SGCZ: variants seen among roughly 807,000 people sequenced by gnomAD.
The protein encoded by SGCZ is sarcoglycan zeta.
Under a neutral mutation model 41.3 loss-of-function variants are expected in SGCZ, and 40 were observed. The observed-to-expected ratio is 0.97, with a 90% confidence interval of 0.75 to 1.26. SGCZ has a LOEUF of 1.26. SGCZ is among the 50% of genes most tolerant of loss of function. SGCZ has a pLI of 0.00. For missense variants in SGCZ, 552 were observed against 369.8 expected (o/e 1.49, Z -4.04); for synonymous variants, 206 against 137.5 (o/e 1.50, Z -3.49).
chr8:14,359,814 A>C (rs1268486635), intron 2 of SGCZ, among the ~76,000 whole-genome samples: 1 of 147,792 alleles, frequency 6.8e-6, no homozygotes, highest in East Asian at 1.9e-4. Flanking sequence ...ATACAAAAAA[A>C]GAAAAAAAAA....
intron 1 of SGCZ, among the ~76,000 whole-genome samples, chr8:14,667,132 G>T (rs1807936274): frequency 6.6e-6 from 1 of 152,044 alleles, no homozygotes; most frequent in African/African-American, 2.4e-5. Context: ...ATACAAACTT[G>T]AAAGTTTCCA....
At chr8:14,376,436 G>A (rs114749750) in intron 2 of SGCZ, among the ~76,000 whole-genome samples, 3,017 of 152,230 alleles carry the variant, frequency 0.02, 79 homozygotes, top group African/African-American at 0.056. Flanking sequence ...TGAAAGGTTA[G>A]ATGACATTTA....
chr8:14,452,701 G>A (rs867079751), intron 2 of SGCZ, among the ~76,000 whole-genome samples: 1 of 152,152 alleles, frequency 6.6e-6, no homozygotes, highest in East Asian at 1.9e-4. Flanking sequence ...GGGAGATAGG[G>A]TGTATATTGG....
intron 3 of SGCZ, among the ~76,000 whole-genome samples, chr8:14,249,555 G>A (rs1224477027): frequency 6.6e-6 from 1 of 152,182 alleles, no homozygotes; most frequent in Non-Finnish European, 1.5e-5. Flanking sequence ...TATTGTGCTT[G>A]TATGAGACAC....
chr8:14,619,968 G>A (rs1362291980), intron 1 of SGCZ, among the ~76,000 whole-genome samples: 1 of 152,114 alleles, frequency 6.6e-6, no homozygotes, highest in African/African-American at 2.4e-5. Context: ...CCAAAAAAGG[G>A]CCCGCATTGC....
chr8:14,135,941 A>T (rs1202698114), intron 5 of SGCZ, among the ~76,000 whole-genome samples: 2 of 152,188 alleles, frequency 1.3e-5, no homozygotes, highest in Admixed American at 1.3e-4. Flanking sequence ...ATCTTACAAA[A>T]AATAGAAGAG....
intron 1 of SGCZ, among the ~76,000 whole-genome samples, chr8:14,720,223 A>G (rs985402188): frequency 6.6e-6 from 1 of 152,210 alleles, no homozygotes; most frequent in East Asian, 1.9e-4. Context: ...TGCTTAAAAT[A>G]AAAGGTGATC....
chr8:15,180,673 C>A (rs543817806), intron 1 of SGCZ, among the ~76,000 whole-genome samples: 5 of 151,880 alleles, frequency 3.3e-5, no homozygotes, highest in Non-Finnish European at 7.4e-5. Flanking sequence ...ATCATGAGGT[C>A]AAGAGTTCAA....
At chr8:15,226,416 T>A (rs1801774571) in intron 1 of SGCZ, among the ~76,000 whole-genome samples, 1 of 152,222 alleles carries the variant, frequency 6.6e-6, no homozygotes, top group African/African-American at 2.4e-5. Flanking sequence ...TCAAAATTGA[T>A]CATTATTATC....
chr8:14,929,481 C>G (rs1166879546), intron 1 of SGCZ, among the ~76,000 whole-genome samples: 4 of 150,892 alleles, frequency 2.7e-5, no homozygotes, highest in Non-Finnish European at 5.9e-5. Flanking sequence ...AATAAATGTC[C>G]TATAGACATT....
At chr8:14,140,705 T>C (rs559792845) in intron 5 of SGCZ, among the ~76,000 whole-genome samples, 159 of 152,276 alleles carry the variant, frequency 1.0e-3, no homozygotes, top group African/African-American at 3.4e-3. Flanking sequence ...TCCATGCTCA[T>C]GGATAGGAAG....
chr8:15,029,803 A>C (rs1803592318), intron 1 of SGCZ, among the ~76,000 whole-genome samples: 1 of 152,142 alleles, frequency 6.6e-6, no homozygotes, highest in African/African-American at 2.4e-5. Context: ...CTATTTCAAC[A>C]CAGCAAAGCT....
At position 14,442,377 on chromosome 8, in the gene SGCZ, C is replaced by G. The variant is rs180892827; in HGVS notation, c.234+112355G>C. Among the ~76,000 whole-genome samples, 571 of 152,312 alleles carry G rather than the reference C, an allele frequency of 3.7e-3. 5 individuals carry two copies. Among genetic ancestry groups the G allele is most frequent in the African/African-American group, 0.013 (532 of 41,568 alleles). On this transcript the variant is annotated intron_variant, in intron 2 of 7. Transcript: ENST00000382080. ...AAGAAGTGACTTTGCTCCTCCTTTA[C>G]CTTCCACCATGATTGTGAAGCCTCT... is the stretch of plus-strand genomic sequence containing the variant.
At chr8:14,240,327 C>CAAAAAAAAAAAAAAAAAAAAAAAAA (rs59351247) in intron 3 of SGCZ, among the ~76,000 whole-genome samples, 37 of 115,218 alleles carry the variant, frequency 3.2e-4, no homozygotes, top group Non-Finnish European at 5.8e-4. Context: ...AACTCTGTGT[C>CAAAAAAAAAAAAAAAAAAAAAAAAA]AAAAAAAAAA....
chr8:15,137,860 C>T (rs1462642601), intron 1 of SGCZ, among the ~76,000 whole-genome samples: 3 of 152,208 alleles, frequency 2.0e-5, no homozygotes, highest in African/African-American at 7.2e-5. Context: ...CACACAGAGT[C>T]CCCACTGGGG....
intron 1 of SGCZ, among the ~76,000 whole-genome samples, chr8:14,856,513 T>C (rs1803550512): frequency 6.6e-6 from 1 of 152,206 alleles, no homozygotes; most frequent in African/African-American, 2.4e-5. Context: ...TAAAACTTGG[T>C]ATGAGTGACT....
At chr8:14,779,037 TG>T (rs1800501127) in intron 1 of SGCZ, among the ~76,000 whole-genome samples, 1 of 152,208 alleles carries the variant, frequency 6.6e-6, no homozygotes, top group African/African-American at 2.4e-5. Context: ...ACACCAGTAC[TG>T]TTAACAACAG....
chr8:14,704,860 T>C (rs1809283128), intron 1 of SGCZ, among the ~76,000 whole-genome samples: 1 of 151,924 alleles, frequency 6.6e-6, no homozygotes, highest in South Asian at 2.1e-4. Context: ...ATCACAAATA[T>C]ATTGGTAAGC....
intron 1 of SGCZ, among the ~76,000 whole-genome samples, chr8:15,146,923 C>T (rs943766826): frequency 6.6e-6 from 1 of 152,020 alleles, no homozygotes; most frequent in African/African-American, 2.4e-5. Context: ...TTAATCATCC[C>T]TTAACACAAG....
Sources: allele counts gnomAD v4.1 joint callset (sites outside exome capture counted in the v4.1 genomes callset), GRCh38; gene constraint gnomAD v4.1.1; transcripts MANE v1.5; gene names NCBI Gene and HGNC (gene_info 2026-07-23, HGNC 2026-07-21).